The following MAN2C1 variants were observed in gnomAD, a reference collection of about 807,000 sequenced individuals.
The protein encoded by MAN2C1 is alpha-mannosidase 2C1.
Under a neutral mutation model 126.9 loss-of-function variants are expected in MAN2C1, and 111 were observed. The ratio of observed to expected loss-of-function variants is 0.87; its 90% CI spans 0.75 to 1.02. The LOEUF (loss-of-function observed/expected upper bound fraction) is 1.02. Ranked by LOEUF, MAN2C1 falls within the 50% of genes least tolerant of loss-of-function variation. The pLI is 0.00. For synonymous variants in MAN2C1, 567 were observed against 561.5 expected (o/e 1.01, Z -0.14); for missense variants, 1,363 against 1,364.4 (o/e 1.00, Z 0.02).
chr15:75,368,386 C>A, intron 1 of MAN2C1, 97 bp downstream of exon 1: 1 of 1,430,842 alleles, frequency 7.0e-7, no homozygotes, highest in Non-Finnish European at 9.5e-7. Context: ...GCACTTTGTC[C>A]CGCGGCCCGG....
At position 75,364,099 on chromosome 15, in the gene MAN2C1, G is replaced by T. The variant is rs367619996; in HGVS notation, c.690C>A (p.Thr230=). The change falls in exon 6 of 26, where the codon ACC becomes ACA. Residue 230 remains threonine (T), a synonymous_variant. Coordinates refer to ENST00000267978, the MANE Select transcript of MAN2C1 (RefSeq NM_006715.4). The stretch of plus-strand genomic sequence containing the variant: ...AGGCCAGGGCCTGGGCCACTGGGAA[G>T]GTCTCGGGCTGGGCAGGGTCACACA... ...VNVCDPAQPE[T]FPVAQALASR... is the part of the protein sequence containing the mutation. The T allele has an allele frequency of 1.2e-6, 2 of 1,614,214 alleles. No homozygotes were observed. Among genetic ancestry groups the T allele is most frequent in the Non-Finnish European group, 8.5e-7 (1 of 1,180,022 alleles).
Position 75,368,111 on chromosome 15 carries a change from G to A in MAN2C1, c.189C>T (p.Asp63=). The part of the protein sequence containing the change: ...RLPYQEAVQR[D]FRPAQVGDSF... ...TGTCGCCGACCTGCGCGGGGCGGAA[G>A]TCCCGCTGGACTGCCTCCTGGTAGG... Residue 63 remains aspartate, a synonymous_variant, in exon 2 of 26, where the codon GAC becomes GAT. Transcript: ENST00000267978. 6.2e-7 allele frequency: 1 copy of A among 1,607,586 alleles called. No individual in the cohort carries two copies. The highest frequency in any genetic ancestry group is 1.1e-5 in the South Asian group (1 of 90,062).
In MAN2C1 at chr15:75,362,776, AGG is replaced by A; in HGVS notation, c.791-30_791-29del. 2.5e-6 allele frequency: 4 copies of A among 1,597,640 alleles called. No homozygotes were observed. The highest frequency in any genetic ancestry group is 3.4e-6 in the Non-Finnish European group (4 of 1,165,658). On this transcript the variant is annotated intron_variant, in intron 6 of 25. Transcript: ENST00000267978. The surrounding 1 kb of genome is among the most constrained non-coding windows in gnomAD (Gnocchi z 4.5). ...ATACGGGGAGTGAGGTGGAGGACAGAGGGAGCAGCAAGGCTGACCAGGCCTGG... is the reference window on the plus strand; with the variant it reads ...ATACGGGGAGTGAGGTGGAGGACAGAGAGCAGCAAGGCTGACCAGGCCTGG...
At chr15:75,368,264 C>G (rs2072627962) in intron 1 of MAN2C1, 66 bp from the exon 2 acceptor site, 1 of 1,532,378 alleles carries the variant, frequency 6.5e-7, no homozygotes, top group Non-Finnish European at 8.7e-7. Flanking sequence ...GGCCAGCTGG[C>G]CGGTGGGGCC....
At chr15:75,364,708 A>G (rs1353128061) in intron 4 of MAN2C1, 43 bp from the exon 5 acceptor site, 1 of 1,530,796 alleles carries the variant, frequency 6.5e-7, no homozygotes, top group African/African-American at 1.4e-5. Flanking sequence ...GGACTGGCAC[A>G]GTACTCCGGG....
At chr15:75,363,434 C>T (rs1022162803) in intron 6 of MAN2C1, 2 of 409,482 alleles carry the variant, frequency 4.9e-6, no homozygotes, top group African/African-American at 4.1e-5. Flanking sequence ...GTGACACCAA[C>T]TCTGCCTGCT....
At chr15:75,367,756 G>A (rs1781924141) in intron 2 of MAN2C1, 122 bp from the exon 3 acceptor site, 1 of 1,289,370 alleles carries the variant, frequency 7.8e-7, no homozygotes, top group African/African-American at 1.5e-5. Context: ...AAGGTACTCA[G>A]CTTTGAGTCA....
At chr15:75,368,376 G>T (rs2072633507) in intron 1 of MAN2C1, 107 bp downstream of exon 1, 14 of 1,399,242 alleles carry the variant, frequency 1.0e-5, no homozygotes, top group African/African-American at 2.9e-5. Flanking sequence ...CCCGCGGCGG[G>T]CACTTTGTCC....
In MAN2C1 at chr15:75,356,898, C is replaced by T; in HGVS notation, c.2552G>A (p.Trp851Ter). 2 of 1,613,870 alleles carry T rather than the reference C, an allele frequency of 1.2e-6. No individual in the cohort carries two copies. Among genetic ancestry groups the T allele is most frequent in the Non-Finnish European group, 1.7e-6 (2 of 1,179,850 alleles). Residue 851 changes from tryptophan (W) to a stop codon, truncating the protein, a stop_gained, in exon 22 of 26, where the codon TGG becomes TAG. Transcript: ENST00000267978. LOFTEE classifies it high-confidence loss of function. This position sits in a 1 kb window ranked among gnomAD's most constrained non-coding sequence, Gnocchi z 5.8. The part of the protein sequence containing the change: ...TSWDWARFEV[W>*]AHRWMDLSEH... ...TGACAGATCCATCCAGCGATGGGCC[C>T]ACACCTGGAGGGCAGATCCAAGACC...
chr15:75,359,589 T>C, intron 16 of MAN2C1, 31 bp downstream of exon 16: 3 of 1,610,290 alleles, frequency 1.9e-6, no homozygotes, highest in Non-Finnish European at 2.5e-6. Context: ...TCCTTCCTGC[T>C]GCAGTAGCAA....
intron 13 of MAN2C1, 161 bp from the exon 14 acceptor site, chr15:75,360,372 C>T: frequency 1.5e-6 from 2 of 1,292,868 alleles, no homozygotes; most frequent in Non-Finnish European, 2.1e-6. Context: ...CTTCTCCCCG[C>T]AGCCCAAACC....
chr15:75,368,029 T>C, intron 2 of MAN2C1, 44 bp downstream of exon 2: 1 of 1,564,386 alleles, frequency 6.4e-7, no homozygotes. Flanking sequence ...GGTTGGGACT[T>C]CCCCTAGGCC....
chr15:75,367,789 G>A (rs996408511), intron 2 of MAN2C1, 155 bp from the exon 3 acceptor site: 53 of 1,007,512 alleles, frequency 5.3e-5, no homozygotes, highest in Non-Finnish European at 7.0e-5. Flanking sequence ...AACAAGGTGA[G>A]AAGCAAGATG....
intron 6 of MAN2C1, 88 bp downstream of exon 6, chr15:75,363,910 GC>G: frequency 7.0e-7 from 1 of 1,424,672 alleles, no homozygotes; most frequent in African/African-American, 1.4e-5. Context: ...GCAAGAACTT[GC>G]TGAGCATCAC....
rs575085864 is a variant in MAN2C1, at chr15:75,359,569, C to T, written c.1948+51G>A. 13 of 1,604,750 alleles carry T rather than the reference C, an allele frequency of 8.1e-6. No individual in the cohort carries two copies. The East Asian group carries it at 2.9e-4, about 36-fold the overall frequency. ...TCGGGGTATCCCAGGCCTGATCTGTCTGGCCTCCATCCTTCCTGCTGCAGT... is the reference window on the plus strand; with the variant it reads ...TCGGGGTATCCCAGGCCTGATCTGTTTGGCCTCCATCCTTCCTGCTGCAGT... On this transcript the variant is annotated intron_variant, in intron 16 of 25. Transcript: ENST00000267978.
chr15:75,363,820 G>A, intron 6 of MAN2C1, 179 bp downstream of exon 6: 1 of 621,416 alleles, frequency 1.6e-6, no homozygotes, highest in Non-Finnish European at 2.7e-6. Context: ...AAAAAAAAAA[G>A]TGAATCCAAA....
Position 75,361,995 on chromosome 15 carries a change from G to A in MAN2C1, c.1009-48C>T. The A allele has an allele frequency of 1.4e-6, 2 of 1,435,336 alleles. No individual in the cohort carries two copies. The highest frequency in any genetic ancestry group is 2.0e-6 in the Non-Finnish European group (2 of 1,018,934). The allele number at this position is 1,435,336 out of a possible 1,614,324, so 88.9% of individuals were successfully genotyped here. The stretch of plus-strand genomic sequence containing the variant: ...GCAGCCCAGGTCAGCGCTGGACGGG[G>A]AGCAGGCAGGCGCTCAGGCCAACCC... On this transcript the variant is annotated intron_variant, in intron 8 of 25. Coordinates refer to ENST00000267978, the MANE Select transcript of MAN2C1 (RefSeq NM_006715.4). The surrounding 1 kb of genome is among the most constrained non-coding windows in gnomAD (Gnocchi z 5.0).
At chr15:75,363,094 G>A (rs956393879) in intron 6 of MAN2C1, 38 of 433,282 alleles carry the variant, frequency 8.8e-5, no homozygotes, top group Middle Eastern at 9.7e-4. Flanking sequence ...GTATACCTGG[G>A]AACAGAGGCA....
intron 20 of MAN2C1, 56 bp from the exon 21 acceptor site, chr15:75,358,400 G>T: frequency 6.2e-7 from 1 of 1,613,286 alleles, no homozygotes; most frequent in South Asian, 1.1e-5. Flanking sequence ...CCAAGGCCTG[G>T]GGCTGGCCCC....
Sources: allele counts gnomAD v4.1 joint callset, GRCh38; gene constraint gnomAD v4.1.1; non-coding constraint Gnocchi (gnomAD v3.1); transcripts MANE v1.5; gene names NCBI Gene and HGNC (gene_info 2026-07-23, HGNC 2026-07-21).